UNC79: variants seen among roughly 807,000 people sequenced by gnomAD.
UNC79 encodes the protein protein unc-79 homolog.
A neutral mutation model predicts 283.1 loss-of-function variants in UNC79; 37 were observed. The observed-to-expected ratio is 0.13, with a 90% confidence interval of 0.10 to 0.17. The LOEUF is 0.17. Ranked by LOEUF, UNC79 falls within the 10% of genes least tolerant of loss-of-function variation. The pLI, the probability that UNC79 is intolerant of heterozygous loss-of-function variation, is 1.00. For synonymous variants in UNC79, 1,107 were observed against 1,200.2 expected (o/e 0.92, Z 1.61); for missense variants, 2,272 against 3,211.1 (o/e 0.71, Z 7.07).
exon 16 of UNC79, chr14:93,572,697 A>T: frequency 6.2e-7 from 1 of 1,613,954 alleles, no homozygotes; most frequent in Non-Finnish European, 8.5e-7. Flanking sequence ...TTCCAGCAAA[A>T]TGTTTGACAT....
At chr14:93,582,035 C>T (rs1225539380) in intron 19 of UNC79, among the ~76,000 whole-genome samples, 168 bp from the exon 20 acceptor site, 1 of 152,184 alleles carries the variant, frequency 6.6e-6, no homozygotes, top group Non-Finnish European at 1.5e-5. Context: ...TTCACTGTTC[C>T]AGCAATAAGC....
At chr14:93,434,145 G>A (rs1434549447) in intron 1 of UNC79, among the ~76,000 whole-genome samples, 3 of 151,960 alleles carry the variant, frequency 2.0e-5, no homozygotes, top group Non-Finnish European at 2.9e-5. Context: ...CCTGGGAGGC[G>A]GAGATTGCTA....
chr14:93,598,053 C>G (rs1325385812), intron 24 of UNC79, among the ~76,000 whole-genome samples: 1 of 152,026 alleles, frequency 6.6e-6, no homozygotes, highest in Non-Finnish European at 1.5e-5. Flanking sequence ...CCAGGCTGAT[C>G]ATAACTCTCT....
Position 93,563,033 on chromosome 14 carries a change from C to T in UNC79, c.1756-8861C>T, listed in dbSNP as rs550073808. ...AAAGGAAATGAGAGGTTCTAAGAGA[C>T]GGGCTAGCGGCTTGTAACCTACATG... On this transcript the variant is annotated intron_variant, in intron 14 of 48. Transcript: ENST00000555664. 1.0e-3 allele frequency among the ~76,000 whole-genome samples: 158 copies of T among 152,154 alleles called. 1 individual carries two copies. The highest frequency in any genetic ancestry group is 3.6e-3 in the African/African-American group (148 of 41,508).
Position 93,477,456 on chromosome 14 carries a change from G to A in UNC79, c.449-102G>A, listed in dbSNP as rs117816919. ...ACTTAATAGAGATGGAGCACTAGTT[G>A]CTTATAACTTAAACCAGTTCATTAA... On this transcript the variant is annotated intron_variant, in intron 3 of 48. Transcript: ENST00000555664. 4.4e-3 allele frequency: 4,050 copies of A among 930,056 alleles called. 130 individuals carry two copies. The South Asian group carries it at 0.047, about 11-fold the overall frequency. The allele number at this position is 930,056 out of a possible 1,614,324, so 57.6% of individuals were successfully genotyped here.
At chr14:93,487,042 A>ATGGT (rs2140460290) in intron 4 of UNC79, among the ~76,000 whole-genome samples, 1 of 152,328 alleles carries the variant, frequency 6.6e-6, no homozygotes, top group South Asian at 2.1e-4. Flanking sequence ...AACTAAAAAA[A>ATGGT]TGGTTCTCAT....
intron 22 of UNC79, among the ~76,000 whole-genome samples, chr14:93,592,172 C>CTTT (rs557283063): frequency 2.2e-4 from 27 of 124,768 alleles, no homozygotes; most frequent in Admixed American, 4.9e-4. Flanking sequence ...ATAACTTTTC[C>CTTT]TTTTTTTTTT....
chr14:93,705,004 G>A (rs368760858), intron 48 of UNC79, among the ~76,000 whole-genome samples: 84 of 152,268 alleles, frequency 5.5e-4, no homozygotes, highest in African/African-American at 1.5e-3. Context: ...AGAGGCCATT[G>A]TGGGAGGTTT....
intron 1 of UNC79, among the ~76,000 whole-genome samples, chr14:93,445,348 TA>T (rs571611284): frequency 3.9e-4 from 59 of 152,338 alleles, no homozygotes; most frequent in Non-Finnish European, 7.5e-4. Flanking sequence ...CAATGCTAAA[TA>T]AAAGTGATGT....
chr14:93,612,606 A>G lies in UNC79; in HGVS notation c.3755-191A>G, dbSNP rs138452445. Among the ~76,000 whole-genome samples the G allele has an allele frequency of 3.1e-3, 472 of 152,340 alleles. 1 individual carries two copies. The highest frequency in any genetic ancestry group is 0.011 in the African/African-American group (445 of 41,576). ...GATTACTTGGTTGTTGATGAATACAATAACTTTCACCCCTGGACTAGGGCT... is the reference window on the plus strand; with the variant it reads ...GATTACTTGGTTGTTGATGAATACAGTAACTTTCACCCCTGGACTAGGGCT... On this transcript the variant is annotated intron_variant, in intron 26 of 48. Coordinates refer to ENST00000555664, the Ensembl canonical transcript of UNC79.
chr14:93,690,749 G>C lies in UNC79; in HGVS notation c.7272+446G>C, dbSNP rs549196374. ...ATACAAAATGAAAACAAGAAGGCCA[G>C]TTGGGAACTCACTAAAGCACACATT... On this transcript the variant is annotated intron_variant, in intron 45 of 48. Coordinates refer to ENST00000555664, the Ensembl canonical transcript of UNC79. This position sits in a 1 kb window ranked among gnomAD's most constrained non-coding sequence, Gnocchi z 4.3. 4.8e-4 allele frequency: 80 copies of C among 165,422 alleles called. No individual in the cohort carries two copies. The highest frequency in any genetic ancestry group is 7.8e-4 in the Non-Finnish European group (60 of 76,456). The allele number at this position is 165,422 out of a possible 1,614,324, so 10.2% of individuals were successfully genotyped here.
At chr14:93,487,670 C>G in exon 5 of UNC79, 1 of 1,613,714 alleles carries the variant, frequency 6.2e-7, no homozygotes, top group Non-Finnish European at 8.5e-7. Context: ...CAGTGGGCTC[C>G]TCAAGGAGAG....
chr14:93,590,366 C>A (rs2064568869), intron 22 of UNC79, among the ~76,000 whole-genome samples: 1 of 152,096 alleles, frequency 6.6e-6, no homozygotes, highest in Non-Finnish European at 1.5e-5. Flanking sequence ...AGGGAAAGGG[C>A]AGACATGGCT....
At chr14:93,689,483 ATTTC>A (rs2074509722) in intron 44 of UNC79, 1 of 125,826 alleles carries the variant, frequency 7.9e-6, no homozygotes, top group South Asian at 2.5e-4. Context: ...CAGAGAAGAA[ATTTC>A]TTTTTTTTTT....
intron 14 of UNC79, among the ~76,000 whole-genome samples, chr14:93,562,930 G>A (rs545973473): frequency 2.6e-5 from 4 of 152,298 alleles, no homozygotes; most frequent in Non-Finnish European, 5.9e-5. Flanking sequence ...GAGGGGGTCT[G>A]AACAATCCCT....
intron 7 of UNC79, among the ~76,000 whole-genome samples, chr14:93,502,493 C>T (rs942342250): frequency 6.6e-6 from 1 of 151,956 alleles, no homozygotes; most frequent in African/African-American, 2.4e-5. Context: ...GACTTTTTCT[C>T]CTGTTTAAAA....
At chr14:93,388,309 T>A (rs1175914466) in intron 1 of UNC79, among the ~76,000 whole-genome samples, 1 of 152,174 alleles carries the variant, frequency 6.6e-6, no homozygotes, top group Admixed American at 6.5e-5. Context: ...ATGAATATAC[T>A]ACAATATATT....
chr14:93,535,264 T>C (rs566768199), intron 11 of UNC79, among the ~76,000 whole-genome samples: 5 of 152,372 alleles, frequency 3.3e-5, no homozygotes, highest in Admixed American at 6.5e-5. Flanking sequence ...CTTTCAAATA[T>C]ATTATCAAAA....
At chr14:93,527,905 G>A (rs2060618973) in intron 8 of UNC79, among the ~76,000 whole-genome samples, 1 of 151,832 alleles carries the variant, frequency 6.6e-6, no homozygotes, top group African/African-American at 2.4e-5. Flanking sequence ...GCATCTCTGT[G>A]CTTAGGCTCG....
Sources: gnomAD v4.1 joint callset for allele counts (sites outside exome capture counted in the v4.1 genomes callset) on GRCh38, gnomAD v4.1.1 for gene constraint, Gnocchi (gnomAD v3.1) non-coding constraint, MANE v1.5 for transcripts, NCBI Gene and HGNC (gene_info 2026-07-23, HGNC 2026-07-21) for gene names.